The following RBM33 variants were observed in gnomAD, a reference collection of about 807,000 sequenced individuals.
RBM33 encodes the protein RNA-binding protein 33.
In RBM33, 28 loss-of-function variants were observed where a neutral mutation model predicts 132.6. That is an observed-to-expected ratio of 0.21 (90% CI 0.16 to 0.29). The LOEUF (loss-of-function observed/expected upper bound fraction) is 0.29. RBM33 is among the 10% of genes least tolerant of loss of function. RBM33 has a pLI of 1.00. For synonymous variants in RBM33, 634 were observed against 593.0 expected (o/e 1.07, Z -1.01); for missense variants, 1,291 against 1,518.5 (o/e 0.85, Z 2.49).
At chr7:155,746,046 C>T (rs1444908630) in intron 14 of RBM33, among the ~76,000 whole-genome samples, 2 of 152,272 alleles carry the variant, frequency 1.3e-5, no homozygotes, top group East Asian at 1.9e-4. Context: ...TTGCAGGTGT[C>T]GCCCATCTGA....
rs986094286 is a variant in RBM33, at chr7:155,779,353, C to T, written c.*4312C>T. The T allele has an allele frequency of 2.0e-5, 3 of 152,020 alleles. No homozygotes were observed. Among genetic ancestry groups the T allele is most frequent in the South Asian group, 2.1e-4 (1 of 4,826 alleles). 9.4% of individuals were successfully genotyped at this position (152,020 alleles called of 1,614,324 possible). ...AGGGCAGGAAAGGTTCGGAGGCACC[C>T]GACTACCACCACTCGGAAAGCCGCT... On this transcript the variant is annotated 3_prime_UTR_variant, in exon 18 of 18. Transcript: ENST00000401878.
chr7:155,740,256 T>A (rs1266292256), intron 12 of RBM33, among the ~76,000 whole-genome samples: 1 of 152,260 alleles, frequency 6.6e-6, no homozygotes, highest in Non-Finnish European at 1.5e-5. Context: ...AAGACTGTGT[T>A]AATATTTACT....
intron 5 of RBM33, among the ~76,000 whole-genome samples, chr7:155,683,362 C>G (rs1240400205): frequency 6.6e-6 from 1 of 152,200 alleles, no homozygotes; most frequent in Non-Finnish European, 1.5e-5. Context: ...CAGATTGTGT[C>G]TCTGTGTACC....
chr7:155,712,786 C>T (rs1800344114), intron 8 of RBM33, among the ~76,000 whole-genome samples: 1 of 152,206 alleles, frequency 6.6e-6, no homozygotes, highest in Non-Finnish European at 1.5e-5. Context: ...AATGCAGAAC[C>T]TGGGTACCGT....
At chr7:155,760,309 G>A (rs1028188555) in intron 14 of RBM33, among the ~76,000 whole-genome samples, 2 of 152,226 alleles carry the variant, frequency 1.3e-5, no homozygotes, top group Non-Finnish European at 2.9e-5. Flanking sequence ...AAGTTCATAC[G>A]ATGGAAGTCC....
intron 2 of RBM33, among the ~76,000 whole-genome samples, chr7:155,668,633 A>G (rs1585414172): frequency 6.6e-6 from 1 of 152,192 alleles, no homozygotes; most frequent in East Asian, 1.9e-4. Context: ...ACTACCTAAT[A>G]GTACTGTAAA....
intron 1 of RBM33, among the ~76,000 whole-genome samples, chr7:155,653,904 A>C (rs1798423258): frequency 6.6e-6 from 1 of 152,190 alleles, no homozygotes. Flanking sequence ...TGGCATCTGA[A>C]GTGGGGCAGC....
intron 1 of RBM33, among the ~76,000 whole-genome samples, chr7:155,664,458 G>T (rs1272136768): frequency 6.6e-6 from 1 of 151,616 alleles, no homozygotes; most frequent in Non-Finnish European, 1.5e-5. Flanking sequence ...TTTAGTAGAG[G>T]TGGGGCTTTG....
intron 6 of RBM33, among the ~76,000 whole-genome samples, chr7:155,702,691 T>G (rs1053668393): frequency 2.0e-5 from 3 of 152,202 alleles, no homozygotes; most frequent in African/African-American, 7.2e-5. Context: ...TAAGGAATTC[T>G]AAGGGCAACC....
chr7:155,694,715 G>A (rs1183419485), intron 5 of RBM33, among the ~76,000 whole-genome samples: 1 of 152,058 alleles, frequency 6.6e-6, no homozygotes, highest in Non-Finnish European at 1.5e-5. Flanking sequence ...TCTGTTGCTC[G>A]GCACGTTTTT....
At chr7:155,765,598 T>C (rs1278650631) in intron 15 of RBM33, among the ~76,000 whole-genome samples, 1 of 152,182 alleles carries the variant, frequency 6.6e-6, no homozygotes, top group Non-Finnish European at 1.5e-5. Flanking sequence ...CCCAACAGGA[T>C]TCGGGTAGGC....
At chr7:155,758,681 G>A (rs1801931936) in intron 14 of RBM33, among the ~76,000 whole-genome samples, 2 of 152,154 alleles carry the variant, frequency 1.3e-5, no homozygotes, top group Admixed American at 1.3e-4. Context: ...AGCTTACCCA[G>A]GCAGGGCTTC....
intron 3 of RBM33, among the ~76,000 whole-genome samples, chr7:155,674,797 T>G (rs1799130645): frequency 6.6e-6 from 1 of 152,198 alleles, no homozygotes; most frequent in South Asian, 2.1e-4. Flanking sequence ...CTGTATCTGC[T>G]TTGGACATTT....
intron 9 of RBM33, 62 bp downstream of exon 9, chr7:155,718,505 A>G: frequency 2.2e-6 from 3 of 1,382,040 alleles, no homozygotes. Flanking sequence ...AAGAAATATT[A>G]ATATAGCAAG....
At position 155,665,262 on chromosome 7, in the gene RBM33, A is replaced by G; in HGVS notation, c.122+9A>G. On this transcript the variant is annotated intron_variant, in intron 2 of 17. Transcript: ENST00000401878. Reference sequence around the variant, plus strand: ...GATGAGGACTGGGACAGGTACGTGCACCCTGTGCTTCACCTAACTGCCTGT... The same window carrying G: ...GATGAGGACTGGGACAGGTACGTGCGCCCTGTGCTTCACCTAACTGCCTGT... 1 of 1,612,212 alleles carries G rather than the reference A, an allele frequency of 6.2e-7. No individual in the cohort carries two copies. The highest frequency in any genetic ancestry group is 8.5e-7 in the Non-Finnish European group (1 of 1,178,336).
At chr7:155,651,435 A>G (rs1398467135) in intron 1 of RBM33, among the ~76,000 whole-genome samples, 1 of 152,150 alleles carries the variant, frequency 6.6e-6, no homozygotes, top group Non-Finnish European at 1.5e-5. Flanking sequence ...GTTTTTAACA[A>G]CATTTTCTCC....
chr7:155,718,281 C>A, intron 8 of RBM33, 104 bp from the exon 9 acceptor site: 1 of 833,100 alleles, frequency 1.2e-6, no homozygotes, highest in Non-Finnish European at 2.1e-6. Context: ...TATTATATGT[C>A]TGGTACGCAT....
chr7:155,757,948 C>CT (rs2117057447), intron 14 of RBM33, among the ~76,000 whole-genome samples: 1 of 152,278 alleles, frequency 6.6e-6, no homozygotes, highest in African/African-American at 2.4e-5. Flanking sequence ...TCAGAGCTTG[C>CT]TTATCACCAA....
At chr7:155,761,702 A>G (rs185307679) in intron 14 of RBM33, among the ~76,000 whole-genome samples, 10 of 151,880 alleles carry the variant, frequency 6.6e-5, no homozygotes, top group East Asian at 3.9e-4. Context: ...AGGAGCATCA[A>G]TTTTTTGCTG....
Sources: gnomAD v4.1 joint callset for allele counts (sites outside exome capture counted in the v4.1 genomes callset) on GRCh38, gnomAD v4.1.1 for gene constraint, MANE v1.5 for transcripts, NCBI Gene and HGNC (gene_info 2026-07-23, HGNC 2026-07-21) for gene names.